Variants in DHX16 observed in about 807,000 individuals in gnomAD.
The protein encoded by DHX16 is pre-mRNA-splicing factor ATP-dependent RNA helicase DHX16.
In DHX16, 81 loss-of-function variants were observed where a neutral mutation model predicts 131.2. The observed-to-expected ratio is 0.62, with a 90% confidence interval of 0.52 to 0.74. The LOEUF (loss-of-function observed/expected upper bound fraction) is 0.74, where lower values mean the gene tolerates loss of function less well. Among genes scored for constraint, DHX16 ranks in the 30% least tolerant of loss-of-function variants. The probability of loss-of-function intolerance (pLI) is 0.00; values close to 1 mark genes in which losing one functional copy is unlikely to be tolerated. For synonymous variants in DHX16, 440 were observed against 520.2 expected (o/e 0.85, Z 2.10); for missense variants, 980 against 1,363.1 (o/e 0.72, Z 4.43).
At position 30,656,856 on chromosome 6, in the gene DHX16, T is replaced by C. The variant is rs1452468108; in HGVS notation, c.2148+96A>G. 5.0e-6 allele frequency: 8 copies of C among 1,589,938 alleles called. No individual in the cohort carries two copies. In the African/African-American group the frequency reaches 5.4e-5, roughly 11 times the overall value. On this transcript the variant is annotated intron_variant, in intron 13 of 19. Coordinates refer to ENST00000376442, the MANE Select transcript of DHX16 (RefSeq NM_003587.5). The surrounding 1 kb of genome is among the most constrained non-coding windows in gnomAD (Gnocchi z 5.1). ...AATCTGGAAGGATGCAAACTGCTCA[T>C]CCCGGTTCCCTAGGAAGCCCCCACC...
In DHX16 at chr6:30,663,035, A is replaced by G. The variant is rs1014255744; in HGVS notation, c.1318-14T>C. On this transcript the variant is annotated splice_polypyrimidine_tract_variant and intron_variant, in intron 7 of 19. Coordinates refer to ENST00000376442, the MANE Select transcript of DHX16 (RefSeq NM_003587.5). ...GTTTGTATAACCCTGAATGACAAAG[A>G]AAAAAGAAGAAGTTTGCCCTTTACT... 19 of 1,591,818 alleles carry G rather than the reference A, an allele frequency of 1.2e-5. No homozygotes were observed. Among genetic ancestry groups the G allele is most frequent in the Non-Finnish European group, 1.5e-5 (18 of 1,169,458 alleles).
intron 12 of DHX16, among the ~76,000 whole-genome samples, chr6:30,658,236 C>T (rs969067032): frequency 6.6e-6 from 1 of 152,144 alleles, no homozygotes; most frequent in African/African-American, 2.4e-5. Flanking sequence ...GAAACCCCAT[C>T]TCTACTAAAA....
chr6:30,671,512 T>TA (rs140010638), intron 1 of DHX16, among the ~76,000 whole-genome samples: 7,424 of 152,040 alleles, frequency 0.049, 364 homozygotes, highest in African/African-American at 0.12. Context: ...CACGCCCGAC[T>TA]ATTTTTGTAT....
rs142646715 is a variant in DHX16 at position 30,662,956 on chromosome 6, C to T, written c.1383G>A (p.Val461=). 1.9e-6 allele frequency: 3 copies of T among 1,613,278 alleles called. No homozygotes were observed. Among genetic ancestry groups the T allele is most frequent in the Non-Finnish European group, 2.5e-6 (3 of 1,180,058 alleles). The part of the protein sequence containing the change: ...TQPRRVAAMS[V]AARVAREMGV... ...CCATCTCCCGGGCCACTCGGGCGGCCACACTCATGGCAGCCACTCTCCGGG... is the reference window on the plus strand; with the variant it reads ...CCATCTCCCGGGCCACTCGGGCGGCTACACTCATGGCAGCCACTCTCCGGG... The change falls in exon 8 of 20, where the codon GTG becomes GTA. Residue 461 remains valine (V), a synonymous_variant. Transcript: ENST00000376442. This position sits in a 1 kb window ranked among gnomAD's most constrained non-coding sequence, Gnocchi z 4.7.
At position 30,656,948 on chromosome 6, in the gene DHX16, T is replaced by C. The variant is rs755836758; in HGVS notation, c.2148+4A>G. ...CCCCCACTCCCATGCATCCCCAGGC[T>C]GACCTTGCTGCAGGGTGTGACAGTG... On this transcript the variant is annotated splice_donor_region_variant and intron_variant, in intron 13 of 19. Transcript: ENST00000376442. This position sits in a 1 kb window ranked among gnomAD's most constrained non-coding sequence, Gnocchi z 5.1. 1 of 1,611,158 alleles carries C rather than the reference T, an allele frequency of 6.2e-7. No homozygotes were observed. The highest frequency in any genetic ancestry group is 1.7e-5 in the Admixed American group (1 of 59,898).
chr6:30,672,922 C>A lies in DHX16; in HGVS notation c.-81G>T. On this transcript the variant is annotated 5_prime_UTR_variant, in exon 1 of 20. The change creates a new upstream start codon in the 5' untranslated region. Transcript: ENST00000376442. ...CTGGGCCGGTCAGAGGCCTGGAGCC[C>A]TCGGCTGGAGCCTCAGCTTCGCAAG... is the stretch of plus-strand genomic sequence containing the variant. 1 of 1,575,904 alleles carries A rather than the reference C, an allele frequency of 6.3e-7. No homozygotes were observed. Among genetic ancestry groups the A allele is most frequent in the Non-Finnish European group, 8.6e-7 (1 of 1,161,002 alleles).
In DHX16 at chr6:30,672,960, G is replaced by A. The variant is rs749383725; in HGVS notation, c.-119C>T. On this transcript the variant is annotated 5_prime_UTR_variant, in exon 1 of 20. Transcript: ENST00000376442. ...TCAGCTTCGCAAGTCAGCTACCTTGGGACCTCTAGGATCTTCCGACATCCC... is the reference window on the plus strand; with the variant it reads ...TCAGCTTCGCAAGTCAGCTACCTTGAGACCTCTAGGATCTTCCGACATCCC... The A allele has an allele frequency of 1.3e-6, 2 of 1,553,478 alleles. No homozygotes were observed. Among genetic ancestry groups the A allele is most frequent in the Non-Finnish European group, 1.7e-6 (2 of 1,147,972 alleles).
At chr6:30,668,576 G>A (rs563447053) in intron 4 of DHX16, among the ~76,000 whole-genome samples, 44 of 152,102 alleles carry the variant, frequency 2.9e-4, no homozygotes, top group Non-Finnish European at 5.3e-4. Context: ...ACTTGAACCC[G>A]GGAGGCGGAG....
intron 10 of DHX16, 58 bp from the exon 11 acceptor site, chr6:30,659,892 C>T: frequency 1.3e-6 from 2 of 1,575,944 alleles, no homozygotes; most frequent in South Asian, 1.1e-5. Context: ...CAAACCTTTC[C>T]TCTCCTCCCA....
Position 30,656,964 on chromosome 6 carries a change from T to G in DHX16, c.2136A>C (p.Thr712=). Residue 712 remains threonine (T), a synonymous_variant, in exon 13 of 20, where the codon ACA becomes ACC. Coordinates refer to ENST00000376442, the MANE Select transcript of DHX16 (RefSeq NM_003587.5). This position sits in a 1 kb window ranked among gnomAD's most constrained non-coding sequence, Gnocchi z 5.1. ...TCCCCAGGCTGACCTTGCTGCAGGGTGTGACAGTGAGCGATTCCATGCCTG... is the reference window on the plus strand; with the variant it reads ...TCCCCAGGCTGACCTTGCTGCAGGGGGTGACAGTGAGCGATTCCATGCCTG... ...PRTGMESLTV[T]PCSKASANQR... is the part of the protein sequence containing the mutation. 6.2e-7 allele frequency: 1 copy of G among 1,612,512 alleles called. No homozygotes were observed. Among genetic ancestry groups the G allele is most frequent in the Non-Finnish European group, 8.5e-7 (1 of 1,179,778 alleles).
In DHX16 at chr6:30,656,084, T is replaced by TTA. The variant is rs1197645541; in HGVS notation, c.2498+113_2498+114insTA. On this transcript the variant is annotated intron_variant, in intron 16 of 19. Coordinates refer to ENST00000376442, the MANE Select transcript of DHX16 (RefSeq NM_003587.5). The surrounding 1 kb of genome is among the most constrained non-coding windows in gnomAD (Gnocchi z 5.1). ...CAATCAGAGTTATCTAATACTTTAT[T>TTA]ATGTGTTAAGGGATAGTATGATGAA... 2 of 1,015,606 alleles carry TTA rather than the reference T, an allele frequency of 2.0e-6. No individual in the cohort carries two copies. The highest frequency in any genetic ancestry group is 3.8e-5 in the Admixed American group (2 of 53,214). 62.9% of individuals were successfully genotyped at this position (1,015,606 alleles called of 1,614,324 possible).
At chr6:30,667,257 C>T (rs1160913764) in intron 4 of DHX16, among the ~76,000 whole-genome samples, 1 of 152,064 alleles carries the variant, frequency 6.6e-6, no homozygotes, top group Non-Finnish European at 1.5e-5. Flanking sequence ...AAATTCTAGC[C>T]AATACACGTA....
At chr6:30,668,158 T>C (rs1211340159) in intron 4 of DHX16, among the ~76,000 whole-genome samples, 16 of 152,210 alleles carry the variant, frequency 1.1e-4, no homozygotes. Flanking sequence ...AGGTACACAC[T>C]GATGTACTTA....
At chr6:30,669,891 T>C (rs1233700198) in intron 4 of DHX16, among the ~76,000 whole-genome samples, 1 of 151,982 alleles carries the variant, frequency 6.6e-6, no homozygotes, top group Non-Finnish European at 1.5e-5. Context: ...AAAAGTCCAG[T>C]TTATGAATTA....
chr6:30,672,324 CAAAA>C (rs575043757), intron 1 of DHX16, among the ~76,000 whole-genome samples: 6 of 113,798 alleles, frequency 5.3e-5, no homozygotes, highest in African/African-American at 1.9e-4. Context: ...CTGTGTCTCT[CAAAA>C]AAAAAAAAAA....
chr6:30,654,407 A>G (rs1180976081), intron 19 of DHX16, among the ~76,000 whole-genome samples: 1 of 152,058 alleles, frequency 6.6e-6, no homozygotes, highest in East Asian at 1.9e-4. Flanking sequence ...AAAATTAGCC[A>G]GGCCTGGAGG....
Position 30,670,838 on chromosome 6 carries a change from C to T in DHX16, c.561G>A (p.Gln187=), listed in dbSNP as rs758453050. ...ERDAFAERVR[Q]RDKDRTRNVL... is the part of the protein sequence containing the mutation. ...CATTTCGAGTCCGATCCTTGTCCCG[C>T]TGTCGAACCCGCTCAGCAAAGGCAT... The change falls in exon 3 of 20, where the codon CAG becomes CAA. Residue 187 remains glutamine (Q), a synonymous_variant. Transcript: ENST00000376442. This position sits in a 1 kb window ranked among gnomAD's most constrained non-coding sequence, Gnocchi z 4.4. 6.2e-7 allele frequency: 1 copy of T among 1,613,096 alleles called. No homozygotes were observed. Among genetic ancestry groups the T allele is most frequent in the East Asian group, 2.2e-5 (1 of 44,882 alleles).
chr6:30,656,367 C>T lies in DHX16; in HGVS notation c.2430+24G>A, dbSNP rs1291799684. ...ATCCTGACCCCTATCATCCTGCCTC[C>T]ACCCATGCTGTCCCCCGACTCACCG... On this transcript the variant is annotated intron_variant, in intron 15 of 19. Coordinates refer to ENST00000376442, the MANE Select transcript of DHX16 (RefSeq NM_003587.5). The surrounding 1 kb of genome is among the most constrained non-coding windows in gnomAD (Gnocchi z 5.1). 3.1e-6 allele frequency: 5 copies of T among 1,612,284 alleles called. No individual in the cohort carries two copies. Among genetic ancestry groups the T allele is most frequent in the East Asian group, 2.2e-5 (1 of 44,884 alleles).
chr6:30,664,943 A>T lies in DHX16; in HGVS notation c.1175T>A (p.Ile392Asn). 6.2e-7 allele frequency: 1 copy of T among 1,613,884 alleles called. No homozygotes were observed. Among genetic ancestry groups the T allele is most frequent in the Non-Finnish European group, 8.5e-7 (1 of 1,180,012 alleles). Residue 392 changes from isoleucine (I) to asparagine (N), a missense_variant, in exon 7 of 20, where the codon ATC becomes AAC. Physicochemically the swap from Ile to Asn is moderately radical, Grantham distance 149. Transcript: ENST00000376442. The stretch of plus-strand genomic sequence containing the variant: ...CGGGAGGCTGCGGCGGACGGCCTGG[A>T]TGGACTCTTTCTGCTGGGCCTGAGT... ...TSTQAQQKESIQAVRRSLPVF... is the reference protein window; with the variant it reads ...TSTQAQQKESNQAVRRSLPVF...
Sources: allele counts gnomAD v4.1 joint callset (sites outside exome capture counted in the v4.1 genomes callset), GRCh38; gene constraint gnomAD v4.1.1; non-coding constraint Gnocchi (gnomAD v3.1); transcripts MANE v1.5; gene names NCBI Gene and HGNC (gene_info 2026-07-23, HGNC 2026-07-21).